Variants in RANBP3 observed in about 807,000 individuals in gnomAD.
RANBP3 encodes RAN binding protein 3, also known as ran-binding protein 3.
In RANBP3, 14 loss-of-function variants were observed where a neutral mutation model predicts 77.3. That is an observed-to-expected ratio of 0.18 (90% CI 0.12 to 0.28). The LOEUF is 0.28. Among genes scored for constraint, RANBP3 ranks in the 10% least tolerant of loss-of-function variants. RANBP3 has a pLI of 1.00. For missense variants in RANBP3, 586 were observed against 752.3 expected (o/e 0.78, Z 2.59); for synonymous variants, 315 against 312.4 (o/e 1.01, Z -0.09).
intron 1 of RANBP3, among the ~76,000 whole-genome samples, chr19:5,967,817 T>C (rs117846662): frequency 0.016 from 2,399 of 152,194 alleles, 34 homozygotes; most frequent in Middle Eastern, 0.095. Context: ...GGAAAGGAGT[T>C]TGAGACCAGC....
chr19:5,978,116 G>C lies in RANBP3; in HGVS notation c.-34C>G. The C allele has an allele frequency of 1.2e-6, 2 of 1,600,290 alleles. No homozygotes were observed. Among genetic ancestry groups the C allele is most frequent in the Non-Finnish European group, 1.7e-6 (2 of 1,174,356 alleles). On this transcript the variant is annotated 5_prime_UTR_variant, in exon 1 of 17. Transcript: ENST00000340578. The stretch of plus-strand genomic sequence containing the variant: ...CTTAAGCCCTCCCACAAGGCCCCGC[G>C]CCGGCCCAGGCTCGCCTGCTTTCTG...
At chr19:5,945,664 G>A (rs1010963779) in intron 3 of RANBP3, among the ~76,000 whole-genome samples, 2 of 152,028 alleles carry the variant, frequency 1.3e-5, no homozygotes, top group African/African-American at 2.4e-5. Flanking sequence ...CGGTTGACTC[G>A]ACTATTTCTC....
At chr19:5,971,185 T>C (rs751698042) in intron 1 of RANBP3, among the ~76,000 whole-genome samples, 20 of 152,162 alleles carry the variant, frequency 1.3e-4, no homozygotes, top group Non-Finnish European at 2.6e-4. Context: ...TCAAAATACT[T>C]AAGATTATAA....
intron 3 of RANBP3, among the ~76,000 whole-genome samples, chr19:5,948,407 C>G (rs1213280448): frequency 1.3e-5 from 2 of 150,634 alleles, no homozygotes; most frequent in Admixed American, 1.3e-4. Context: ...GAGCAGAGAT[C>G]GGGCCACTGC....
chr19:5,934,359 T>A (rs1320666373), intron 5 of RANBP3: 1 of 152,218 alleles, frequency 6.6e-6, no homozygotes. Flanking sequence ...TAGCCCTGCG[T>A]TTGTGCTAAG....
Position 5,952,555 on chromosome 19 carries a change from C to T in RANBP3, c.79-959G>A, listed in dbSNP as rs2058288199. ...AGTCCCCAAACCTCCCTCTTGGCAT[C>T]GTCCAACGACATGGAGCCATTTCTC... On this transcript the variant is annotated intron_variant, in intron 2 of 16. Coordinates refer to ENST00000340578, the MANE Select transcript of RANBP3 (RefSeq NM_007322.3). This position sits in a 1 kb window ranked among gnomAD's most constrained non-coding sequence, Gnocchi z 4.1. Among the ~76,000 whole-genome samples, 1 of 152,188 alleles carries T rather than the reference C, an allele frequency of 6.6e-6. No homozygotes were observed. Among genetic ancestry groups the T allele is most frequent in the African/African-American group, 2.4e-5 (1 of 41,440 alleles).
At chr19:5,973,377 G>C (rs1036375015) in intron 1 of RANBP3, among the ~76,000 whole-genome samples, 1 of 152,120 alleles carries the variant, frequency 6.6e-6, no homozygotes, top group Non-Finnish European at 1.5e-5. Context: ...CTCTGCCCCC[G>C]GGGGGACACT....
chr19:5,918,825 C>T (rs536299304), intron 14 of RANBP3, among the ~76,000 whole-genome samples, 187 bp from the exon 15 acceptor site: 2 of 152,030 alleles, frequency 1.3e-5, no homozygotes, highest in Admixed American at 1.3e-4. Flanking sequence ...GCTCCCGGGG[C>T]GGGGCTCCTC....
chr19:5,933,538 G>A, intron 5 of RANBP3, 59 bp from the exon 6 acceptor site: 5 of 1,469,520 alleles, frequency 3.4e-6, no homozygotes, highest in Non-Finnish European at 3.8e-6. Flanking sequence ...CTGGGCCTGG[G>A]GGGCAAGGGC....
intron 1 of RANBP3, among the ~76,000 whole-genome samples, chr19:5,965,100 G>A (rs141533550): frequency 6.6e-6 from 1 of 152,176 alleles, no homozygotes; most frequent in African/African-American, 2.4e-5. Flanking sequence ...TAGAGGAACT[G>A]TTCTCCTTGC....
In RANBP3 at chr19:5,932,438, C is replaced by T. The variant is rs1212816891; in HGVS notation, c.565+14G>A. On this transcript the variant is annotated intron_variant, in intron 7 of 16. Coordinates refer to ENST00000340578, the MANE Select transcript of RANBP3 (RefSeq NM_007322.3). The stretch of plus-strand genomic sequence containing the variant: ...TGCCGTCTGGGCCTGGGCGCCAGGG[C>T]TGCTGTTTCTTACCAGTCTGGGACA... 4 of 1,611,330 alleles carry T rather than the reference C, an allele frequency of 2.5e-6. No individual in the cohort carries two copies. In the African/African-American group the frequency reaches 4.0e-5, roughly 16 times the overall value.
At chr19:5,970,791 C>G (rs2058521025) in intron 1 of RANBP3, among the ~76,000 whole-genome samples, 1 of 152,218 alleles carries the variant, frequency 6.6e-6, no homozygotes, top group African/African-American at 2.4e-5. Context: ...TATTCTCTCT[C>G]ACACCACAAT....
intron 5 of RANBP3, among the ~76,000 whole-genome samples, chr19:5,937,170 G>GAT (rs559274882): frequency 4.0e-5 from 6 of 151,654 alleles, no homozygotes; most frequent in Non-Finnish European, 7.4e-5. Context: ...GCAGGAGTGT[G>GAT]ATGAGGTACA....
chr19:5,965,822 G>GCCAC (rs56913863), intron 1 of RANBP3: 60,551 of 151,936 alleles, frequency 0.4, 13,114 homozygotes, highest in East Asian at 0.69. Flanking sequence ...TTTCATATAC[G>GCCAC]TGGCCAGCGT....
intron 5 of RANBP3, among the ~76,000 whole-genome samples, chr19:5,936,488 G>A (rs77782990): frequency 0.011 from 1,623 of 152,294 alleles, 12 homozygotes; most frequent in South Asian, 0.029. Flanking sequence ...AGCTCTGTCC[G>A]CGGAGGGCCG....
chr19:5,956,418 T>C (rs2058335603), intron 2 of RANBP3, among the ~76,000 whole-genome samples: 1 of 152,208 alleles, frequency 6.6e-6, no homozygotes, highest in Non-Finnish European at 1.5e-5. Context: ...CATTAAGCTG[T>C]ACTTGTCAGG....
chr19:5,929,421 C>A (rs985069710), intron 8 of RANBP3, among the ~76,000 whole-genome samples: 1 of 152,328 alleles, frequency 6.6e-6, no homozygotes, highest in African/African-American at 2.4e-5. Context: ...GTGCTAATCC[C>A]GGGTGGGTGG....
chr19:5,972,368 T>C (rs2058540909), intron 1 of RANBP3, among the ~76,000 whole-genome samples: 1 of 152,200 alleles, frequency 6.6e-6, no homozygotes, highest in Non-Finnish European at 1.5e-5. Context: ...ACTGTGGACA[T>C]GTGGAAGGTG....
Position 5,925,767 on chromosome 19 carries a change from G to C in RANBP3, c.814-30C>G, listed in dbSNP as rs776043534. On this transcript the variant is annotated intron_variant, in intron 9 of 16. Coordinates refer to ENST00000340578, the MANE Select transcript of RANBP3 (RefSeq NM_007322.3). ...GAATGAGACGGAGCGCTCAGTAATC[G>C]GGGGTGGGGGGGTGCCTGGAGTTCC... 28 of 1,575,126 alleles carry C rather than the reference G, an allele frequency of 1.8e-5. No individual in the cohort carries two copies. The African/African-American group carries it at 3.2e-4, about 18-fold the overall frequency.
Sources: allele counts gnomAD v4.1 joint callset (sites outside exome capture counted in the v4.1 genomes callset), GRCh38; gene constraint gnomAD v4.1.1; non-coding constraint Gnocchi (gnomAD v3.1); transcripts MANE v1.5; gene names NCBI Gene and HGNC (gene_info 2026-07-23, HGNC 2026-07-21).